DBNDD1: variants seen among roughly 807,000 people sequenced by gnomAD.
The protein encoded by DBNDD1 is dysbindin domain containing 1, also known as dysbindin domain-containing protein 1.
Under a neutral mutation model 17.0 loss-of-function variants are expected in DBNDD1, and 14 were observed. The ratio of observed to expected loss-of-function variants is 0.82; its 90% CI spans 0.54 to 1.29. The LOEUF (loss-of-function observed/expected upper bound fraction) is 1.29, where lower values mean the gene tolerates loss of function less well. DBNDD1 is among the 50% of genes most tolerant of loss of function. The pLI, the probability that DBNDD1 is intolerant of heterozygous loss-of-function variation, is 0.00. For synonymous variants in DBNDD1, 105 were observed against 102.0 expected, an observed-to-expected ratio of 1.03 and a Z score of -0.18; for missense variants, 221 against 216.2, an observed-to-expected ratio of 1.02 and a Z score of -0.14.
intron 3 of DBNDD1, chr16:90,006,731 G>C (rs1038882495): frequency 1.8e-6 from 1 of 570,612 alleles, no homozygotes; most frequent in African/African-American, 1.9e-5. Context: ...GTGCTCCCCG[G>C]AGTCACTGTA....
chr16:90,010,034 C>T (rs754285183), intron 1 of DBNDD1: 13 of 1,613,996 alleles, frequency 8.1e-6, no homozygotes, highest in Non-Finnish European at 1.1e-5. Context: ...AATATTCTTC[C>T]AGGTTTCTCC....
chr16:90,015,490 A>G (rs1230378432), intron 1 of DBNDD1, among the ~76,000 whole-genome samples: 1 of 152,198 alleles, frequency 6.6e-6, no homozygotes, highest in African/African-American at 2.4e-5. Context: ...GAAAAGTTCT[A>G]TGTGGATTTC....
rs112008913 is a variant in DBNDD1, at chr16:90,008,341, G to C, written c.319+443C>G. Among the ~76,000 whole-genome samples, 82 of 12,568 alleles carry C rather than the reference G, an allele frequency of 6.5e-3. 8 individuals carry two copies. The highest frequency in any genetic ancestry group is 0.013 in the South Asian group (3 of 236). The allele number at this position is 12,568 out of a possible 152,430, so 8.2% of individuals were successfully genotyped here. A position where few individuals can be genotyped will look rare whatever the true frequency, so the allele number is the denominator to read the frequency against. On this transcript the variant is annotated intron_variant, in intron 3 of 3. Transcript: ENST00000002501. Reference sequence around the variant, plus strand: ...TTCCCAAGGGGCCTCAGCCCACCACGCACACCTCCCAGGACTTCCCAAGGG... The same window carrying C: ...TTCCCAAGGGGCCTCAGCCCACCACCCACACCTCCCAGGACTTCCCAAGGG...
chr16:90,010,067 A>T, intron 1 of DBNDD1: 1 of 1,612,302 alleles, frequency 6.2e-7, no homozygotes, highest in South Asian at 1.1e-5. Context: ...TTTTTTTTAG[A>T]TGGAGTCTCG....
intron 1 of DBNDD1, among the ~76,000 whole-genome samples, chr16:90,017,781 A>C (rs1445599435): frequency 2.6e-5 from 4 of 152,224 alleles, no homozygotes; most frequent in African/African-American, 9.6e-5. Context: ...ACAAGGAAAC[A>C]GGAGTTGGTG....
rs1323265652 is a variant in DBNDD1, at chr16:90,006,579, C to T, written c.320-87G>A. The T allele has an allele frequency of 7.4e-6, 11 of 1,479,912 alleles. No individual in the cohort carries two copies. In the African/African-American group the frequency reaches 1.5e-4, roughly 20 times the overall value. The allele number at this position is 1,479,912 out of a possible 1,614,324, so 91.7% of individuals were successfully genotyped here. A position where few individuals can be genotyped will look rare whatever the true frequency, so the allele number is the denominator to read the frequency against. The stretch of plus-strand genomic sequence containing the variant: ...CTCCAGGTGCCGCCGGCCTCCTGCG[C>T]CACTCCTGCCAATGCTCTGCACCAG... On this transcript the variant is annotated intron_variant, in intron 3 of 3. Transcript: ENST00000002501.
intron 1 of DBNDD1, among the ~76,000 whole-genome samples, chr16:90,018,136 C>G (rs774604249): frequency 1.3e-5 from 2 of 152,202 alleles, no homozygotes; most frequent in African/African-American, 4.8e-5. Flanking sequence ...GCCCACAGTT[C>G]ACAGCTGGAA....
intron 3 of DBNDD1, chr16:90,006,813 G>A (rs750220445): frequency 1.4e-5 from 4 of 282,054 alleles, no homozygotes; most frequent in East Asian, 6.2e-5. Flanking sequence ...TGTTCCCCCC[G>A]CAGGTGTCCC....
At chr16:90,017,757 T>C (rs1165500573) in intron 1 of DBNDD1, among the ~76,000 whole-genome samples, 1 of 152,194 alleles carries the variant, frequency 6.6e-6, no homozygotes, top group Non-Finnish European at 1.5e-5. Flanking sequence ...TAGGCATCAC[T>C]GGCCACTTTG....
rs2035392966 is a variant in DBNDD1, at chr16:90,004,954, G to A, written c.*1381C>T. The A allele has an allele frequency of 6.5e-6, 1 of 152,834 alleles. No homozygotes were observed. Among genetic ancestry groups the A allele is most frequent in the Non-Finnish European group, 1.5e-5 (1 of 68,146 alleles). 9.5% of individuals were successfully genotyped at this position (152,834 alleles called of 1,614,324 possible). A position where few individuals can be genotyped will look rare whatever the true frequency, so the allele number is the denominator to read the frequency against. On this transcript the variant is annotated 3_prime_UTR_variant, in exon 4 of 4. Transcript: ENST00000002501. ...AGCAGGAAGGATGGAAAGATGGGGAGGAAGACCCTGGCGGGTGGAAGTGTG... is the reference window on the plus strand; with the variant it reads ...AGCAGGAAGGATGGAAAGATGGGGAAGAAGACCCTGGCGGGTGGAAGTGTG...
chr16:90,014,702 A>G (rs2035610277), intron 1 of DBNDD1, among the ~76,000 whole-genome samples: 1 of 151,660 alleles, frequency 6.6e-6, no homozygotes, highest in Non-Finnish European at 1.5e-5. Flanking sequence ...ATCATAGTTG[A>G]CTCTTAAGAA....
At chr16:90,008,949 G>T in intron 2 of DBNDD1, 25 bp from the exon 3 acceptor site, 1 of 1,525,238 alleles carries the variant, frequency 6.6e-7, no homozygotes. Flanking sequence ...GGTACAGTCA[G>T]CCCTCAGGCC....
intron 1 of DBNDD1, among the ~76,000 whole-genome samples, chr16:90,010,875 C>T (rs773470941): frequency 2.0e-5 from 3 of 152,254 alleles, no homozygotes; most frequent in Non-Finnish European, 4.4e-5. Flanking sequence ...TGCATGCCCC[C>T]CTTTGGCCCT....
Position 90,008,796 on chromosome 16 carries a change from CGG to C in DBNDD1, c.305_306del (p.Thr102ArgfsTer26). On this transcript the variant is annotated frameshift_variant, in exon 3 of 4. Transcript: ENST00000002501. LOFTEE classifies it high-confidence loss of function. ...FADSDDENLN[T>X]ESPAGLHPLP... ...ATGCCGGCCTCACCTGCTGGGGACT[CGG>C]TGTTGAGGTTCTCGTCGTCCGAGTC... 1 of 1,597,222 alleles carries C rather than the reference CGG, an allele frequency of 6.3e-7. No homozygotes were observed. The highest frequency in any genetic ancestry group is 8.6e-7 in the Non-Finnish European group (1 of 1,168,396).
intron 1 of DBNDD1, among the ~76,000 whole-genome samples, chr16:90,011,150 G>C (rs374531613): frequency 6.6e-6 from 1 of 152,256 alleles, no homozygotes; most frequent in Non-Finnish European, 1.5e-5. Context: ...AGCCCCCAGC[G>C]GTGAGCACTG....
chr16:90,013,266 A>AAAAAAAAAAAAAAAAAAAAAAAC, intron 1 of DBNDD1, among the ~76,000 whole-genome samples: 1 of 142,452 alleles, frequency 7.0e-6, no homozygotes, highest in African/African-American at 2.7e-5. Flanking sequence ...TTGCCTTAAA[A>AAAAAAAAAAAAAAAAAAAAAAAC]AAAAAAAAAA....
intron 1 of DBNDD1, among the ~76,000 whole-genome samples, chr16:90,010,745 C>T (rs1366448082): frequency 6.6e-6 from 1 of 152,170 alleles, no homozygotes; most frequent in African/African-American, 2.4e-5. Flanking sequence ...CTCCACAGAT[C>T]CCCTCAGCCC....
In DBNDD1 at chr16:90,019,359, G is replaced by T. The variant is rs1422911403; in HGVS notation, c.-18C>A. ...GGCTCCATGCGGCCGGTGCGGTCTG[G>T]GAGGGGCACGGGCGACGGCGGCGTC... On this transcript the variant is annotated 5_prime_UTR_variant, in exon 1 of 4. Transcript: ENST00000002501. The surrounding 1 kb of genome is among the most constrained non-coding windows in gnomAD (Gnocchi z 6.1). The T allele has an allele frequency of 5.8e-6, 7 of 1,215,108 alleles. No homozygotes were observed. Among genetic ancestry groups the T allele is most frequent in the Non-Finnish European group, 6.1e-6 (6 of 976,914 alleles). The allele number at this position is 1,215,108 out of a possible 1,614,324, so 75.3% of individuals were successfully genotyped here. A position where few individuals can be genotyped will look rare whatever the true frequency, so the allele number is the denominator to read the frequency against.
At position 90,007,988 on chromosome 16, in the gene DBNDD1, G is replaced by C. The variant is rs1429452882; in HGVS notation, c.319+796C>G. Among the ~76,000 whole-genome samples, 148 of 149,356 alleles carry C rather than the reference G, an allele frequency of 9.9e-4. 9 individuals are homozygous for C. Among genetic ancestry groups the C allele is most frequent in the East Asian group, 6.0e-3 (28 of 4,684 alleles). ...CTCACCCCCCAAACACACCTCCCAG[G>C]ACGTCCCAAGGGGCCTCACCCCCCA... On this transcript the variant is annotated intron_variant, in intron 3 of 3. Transcript: ENST00000002501.
Sources: gnomAD v4.1 joint callset for allele counts (sites outside exome capture counted in the v4.1 genomes callset) on GRCh38, gnomAD v4.1.1 for gene constraint, Gnocchi (gnomAD v3.1) non-coding constraint, MANE v1.5 for transcripts, NCBI Gene and HGNC (gene_info 2026-07-23, HGNC 2026-07-21) for gene names.